CADM2: variants seen among roughly 807,000 people sequenced by gnomAD.
CADM2 encodes immunoglobulin superfamily member 4D.
In CADM2, 12 loss-of-function variants were observed where a neutral mutation model predicts 49.8. That is an observed-to-expected ratio of 0.24 (90% CI 0.15 to 0.39). The LOEUF (loss-of-function observed/expected upper bound fraction) is 0.39, where lower values mean the gene tolerates loss of function less well. Among genes scored for constraint, CADM2 ranks in the 10% least tolerant of loss-of-function variants. The pLI is 1.00. For missense variants in CADM2, 378 were observed against 492.3 expected (o/e 0.77, Z 2.20); for synonymous variants, 214 against 175.4 (o/e 1.22, Z -1.74).
intron 1 of CADM2, among the ~76,000 whole-genome samples, chr3:85,329,042 G>T (rs542593886): frequency 6.6e-6 from 1 of 152,214 alleles, no homozygotes; most frequent in South Asian, 2.1e-4. Context: ...TATGACTGGT[G>T]TCATTATAAA....
intron 1 of CADM2, among the ~76,000 whole-genome samples, chr3:85,542,051 C>T (rs1234277118): frequency 1.3e-5 from 2 of 151,838 alleles, no homozygotes; most frequent in Admixed American, 6.6e-5. Flanking sequence ...CTGCCCTTTC[C>T]CATGGGTTGA....
intron 1 of CADM2, among the ~76,000 whole-genome samples, chr3:85,032,770 G>A (rs547823260): frequency 1.3e-5 from 2 of 151,862 alleles, no homozygotes; most frequent in Admixed American, 1.3e-4. Flanking sequence ...CATACTATAC[G>A]AGCATTCCTG....
chr3:85,818,722 A>G (rs1384948071), intron 3 of CADM2, among the ~76,000 whole-genome samples: 1 of 152,174 alleles, frequency 6.6e-6, no homozygotes, highest in Admixed American at 6.5e-5. Flanking sequence ...GGAAATCAGT[A>G]TCTGAACAGC....
At chr3:85,294,760 C>T (rs930680310) in intron 1 of CADM2, among the ~76,000 whole-genome samples, 1,913 of 151,996 alleles carry the variant, frequency 0.013, 42 homozygotes, top group African/African-American at 0.044. Flanking sequence ...AAACTGGATC[C>T]CTTCCTTACA....
At chr3:84,963,365 C>T (rs186761881) in intron 1 of CADM2, among the ~76,000 whole-genome samples, 4 of 152,168 alleles carry the variant, frequency 2.6e-5, no homozygotes, top group Admixed American at 2.6e-4. Context: ...GGGGGCACTG[C>T]AAAGATGGAG....
intron 1 of CADM2, among the ~76,000 whole-genome samples, chr3:85,458,081 T>C (rs9309982): frequency 0.25 from 37,614 of 152,182 alleles, 4,831 homozygotes; most frequent in South Asian, 0.34. Context: ...CCTTTGTTTA[T>C]GATCTTCCTT....
chr3:85,811,857 GTTTTTTT>G (rs754800114), intron 3 of CADM2, among the ~76,000 whole-genome samples: 1 of 115,440 alleles, frequency 8.7e-6, no homozygotes, highest in African/African-American at 3.2e-5. Context: ...ATGCCTTGAT[GTTTTTTT>G]TTTTTTTTTT....
chr3:85,354,519 G>A (rs1006680449), intron 1 of CADM2, among the ~76,000 whole-genome samples: 8 of 151,280 alleles, frequency 5.3e-5, no homozygotes, highest in Non-Finnish European at 7.4e-5. Flanking sequence ...TAATAATAAA[G>A]TGACCTAATG....
At chr3:84,999,327 G>T (rs1489607017) in intron 1 of CADM2, among the ~76,000 whole-genome samples, 1 of 152,040 alleles carries the variant, frequency 6.6e-6, no homozygotes, top group African/African-American at 2.4e-5. Flanking sequence ...CTTTTTGTAT[G>T]TGTGTTTCTA....
chr3:85,030,275 G>T (rs2034921549), intron 1 of CADM2, among the ~76,000 whole-genome samples: 2 of 152,016 alleles, frequency 1.3e-5, no homozygotes, highest in African/African-American at 4.8e-5. Context: ...ATGTAACCTA[G>T]ATCAAACGGC....
At chr3:85,157,809 G>T (rs544259762) in intron 1 of CADM2, among the ~76,000 whole-genome samples, 11 of 152,210 alleles carry the variant, frequency 7.2e-5, no homozygotes, top group African/African-American at 2.6e-4. Flanking sequence ...AACACCAAAA[G>T]CAATGGCAAT....
At chr3:85,574,556 C>T (rs2107262140) in intron 1 of CADM2, among the ~76,000 whole-genome samples, 1 of 152,306 alleles carries the variant, frequency 6.6e-6, no homozygotes, top group South Asian at 2.1e-4. Flanking sequence ...TGTAAGGTCC[C>T]TCAATCTGTT....
At chr3:85,067,894 A>G (rs1277436958) in intron 1 of CADM2, among the ~76,000 whole-genome samples, 1 of 152,192 alleles carries the variant, frequency 6.6e-6, no homozygotes. Flanking sequence ...ATACAAGGCA[A>G]TCTGACACAG....
At chr3:85,484,903 C>G (rs73142752) in intron 1 of CADM2, among the ~76,000 whole-genome samples, 1 of 151,536 alleles carries the variant, frequency 6.6e-6, no homozygotes, top group Non-Finnish European at 1.5e-5. Context: ...TCATGTCTTA[C>G]GGAGACAGGC....
At chr3:85,553,215 G>A (rs1473862612) in intron 1 of CADM2, among the ~76,000 whole-genome samples, 1 of 152,098 alleles carries the variant, frequency 6.6e-6, no homozygotes, top group Non-Finnish European at 1.5e-5. Flanking sequence ...ATGGGACCAA[G>A]AGTTATTAAT....
chr3:85,033,259 C>T lies in CADM2; in HGVS notation c.61+73591C>T, dbSNP rs184093440. Among the ~76,000 whole-genome samples the T allele has an allele frequency of 2.5e-3, 378 of 152,276 alleles. 4 individuals are homozygous for T. Among genetic ancestry groups the T allele is most frequent in the African/African-American group, 8.9e-3 (368 of 41,570 alleles). On this transcript the variant is annotated intron_variant, in intron 1 of 9. Coordinates refer to ENST00000383699, the MANE Select transcript of CADM2 (RefSeq NM_001167675.2). ...AAAAATTGGGTTTATTCCCTAACGA[C>T]GCATTACATTTCACACTTCCCTGAT...
intron 8 of CADM2, among the ~76,000 whole-genome samples, chr3:86,011,140 A>G (rs973807521): frequency 6.6e-6 from 1 of 152,102 alleles, no homozygotes; most frequent in African/African-American, 2.4e-5. Context: ...CATCAGTAGC[A>G]AAGTCTTATA....
intron 1 of CADM2, among the ~76,000 whole-genome samples, chr3:85,229,106 T>A (rs1241122779): frequency 1.3e-5 from 2 of 152,160 alleles, no homozygotes; most frequent in Non-Finnish European, 2.9e-5. Context: ...TTATTTACAC[T>A]GTGAGCATAA....
At chr3:85,207,199 A>G (rs1438053357) in intron 1 of CADM2, among the ~76,000 whole-genome samples, 4 of 152,132 alleles carry the variant, frequency 2.6e-5, no homozygotes, top group Non-Finnish European at 5.9e-5. Flanking sequence ...CTGCCTTCAG[A>G]ATAAGTGTTG....
Sources: allele counts gnomAD v4.1 joint callset (sites outside exome capture counted in the v4.1 genomes callset), GRCh38; gene constraint gnomAD v4.1.1; transcripts MANE v1.5; gene names NCBI Gene and HGNC (gene_info 2026-07-23, HGNC 2026-07-21).